Variants in PIEZO2 observed in about 807,000 individuals in gnomAD.
PIEZO2 encodes piezo-type mechanosensitive ion channel component 2.
In PIEZO2, 172 loss-of-function variants were observed where a neutral mutation model predicts 337.3. The observed-to-expected ratio is 0.51, with a 90% CI of 0.45 to 0.58. The LOEUF is 0.58. Among genes scored for constraint, PIEZO2 ranks in the 20% least tolerant of loss-of-function variants. The pLI, the probability that PIEZO2 is intolerant of heterozygous loss-of-function variation, is 0.00. For missense variants in PIEZO2, 3,028 were observed against 3,391.3 expected, an observed-to-expected ratio of 0.89 and a Z score of 2.66; for synonymous variants, 1,251 against 1,228.5, an observed-to-expected ratio of 1.02 and a Z score of -0.38.
At chr18:10,875,402 A>AGAATGAGAAAAAATGGGGATCAAG (rs1299478886) in intron 4 of PIEZO2, among the ~76,000 whole-genome samples, 4 of 152,192 alleles carry the variant, frequency 2.6e-5, no homozygotes, top group African/African-American at 9.7e-5. Context: ...TAATACCATT[A>AGAATGAGAAAAAATGGGGATCAAG]GAATGAGAAA....
chr18:10,752,969 T>C (rs574657647), intron 27 of PIEZO2, 90 bp from the exon 28 acceptor site: 54 of 1,412,270 alleles, frequency 3.8e-5, no homozygotes, highest in Non-Finnish European at 4.8e-5. Context: ...AAGAAATTCA[T>C]GCTCTCTGCT....
At chr18:10,779,669 T>C (rs2038910436) in intron 18 of PIEZO2, among the ~76,000 whole-genome samples, 1 of 152,170 alleles carries the variant, frequency 6.6e-6, no homozygotes, top group Non-Finnish European at 1.5e-5. Context: ...GAAAGTGATG[T>C]TTTTAAAACC....
intron 2 of PIEZO2, among the ~76,000 whole-genome samples, chr18:11,010,184 A>G (rs1253873847): frequency 6.6e-6 from 1 of 152,202 alleles, no homozygotes. Context: ...AACACCTACT[A>G]GGTACTGGTA....
intron 1 of PIEZO2, among the ~76,000 whole-genome samples, chr18:11,122,883 T>C (rs1332129842): frequency 1.3e-5 from 2 of 151,476 alleles, no homozygotes; most frequent in African/African-American, 2.4e-5. Context: ...ATTAAGGTTA[T>C]ATGTATAATA....
Position 10,691,212 on chromosome 18 carries a change from C to G in PIEZO2, c.7349+13G>C. The G allele has an allele frequency of 6.2e-7, 1 of 1,610,356 alleles. No individual in the cohort carries two copies. Among genetic ancestry groups the G allele is most frequent in the Non-Finnish European group, 8.5e-7 (1 of 1,178,426 alleles). ...TCCCCCATAAGTGACTGTGACGTTG[C>G]AGAGCGTCCTACCCTTGGAATAAGA... is the stretch of plus-strand genomic sequence containing the variant. On this transcript the variant is annotated intron_variant, in intron 48 of 55. Coordinates refer to ENST00000674853, the MANE Select transcript of PIEZO2 (RefSeq NM_001378183.1).
chr18:10,977,723 T>TA (rs2034498989), intron 3 of PIEZO2, among the ~76,000 whole-genome samples: 1 of 152,214 alleles, frequency 6.6e-6, no homozygotes, highest in Non-Finnish European at 1.5e-5. Context: ...AACAATTGAA[T>TA]ATTATACAGC....
rs565220296 is a variant in PIEZO2, at chr18:11,129,408, G to C, written c.64+19117C>G. Among the ~76,000 whole-genome samples, 151 of 152,192 alleles carry C rather than the reference G, an allele frequency of 9.9e-4. 2 individuals carry two copies. Among genetic ancestry groups the C allele is most frequent in the Non-Finnish European group, 1.6e-3 (109 of 68,006 alleles). On this transcript the variant is annotated intron_variant, in intron 1 of 55. Transcript: ENST00000674853. The surrounding 1 kb of genome is among the most constrained non-coding windows in gnomAD (Gnocchi z 4.6). ...AATAGTCTCATTCGTGTAGAGCTCT[G>C]GCATTGGCTAATTAATCATGGTGTT...
At chr18:10,817,705 C>T (rs908768201) in intron 7 of PIEZO2, among the ~76,000 whole-genome samples, 7 of 151,930 alleles carry the variant, frequency 4.6e-5, no homozygotes, top group Admixed American at 1.3e-4. Flanking sequence ...GGGTGGTTCA[C>T]GAGGTCAGGA....
In PIEZO2 at chr18:11,003,440, A is replaced by G. The variant is rs2035615412; in HGVS notation, c.161-23780T>C. On this transcript the variant is annotated intron_variant, in intron 2 of 55. Transcript: ENST00000674853. This position sits in a 1 kb window ranked among gnomAD's most constrained non-coding sequence, Gnocchi z 4.6. ...TTCCTAAGGCATATTTCTGGTCACA[A>G]AAACATCACCAAACTTCTAAATAAG... Among the ~76,000 whole-genome samples, 2 of 152,266 alleles carry G rather than the reference A, an allele frequency of 1.3e-5. No homozygotes were observed. The highest frequency in any genetic ancestry group is 4.1e-4 in the South Asian group (2 of 4,834).
chr18:10,786,303 T>G (rs767927146), intron 16 of PIEZO2, among the ~76,000 whole-genome samples: 4 of 152,216 alleles, frequency 2.6e-5, no homozygotes, highest in Non-Finnish European at 4.4e-5. Flanking sequence ...GGCTTAGATT[T>G]TGTCTGTCTT....
chr18:10,966,450 G>C (rs2034003858), intron 3 of PIEZO2, among the ~76,000 whole-genome samples: 1 of 152,086 alleles, frequency 6.6e-6, no homozygotes. Context: ...AGAGTGCATT[G>C]TTTCATAACA....
intron 2 of PIEZO2, among the ~76,000 whole-genome samples, chr18:10,989,491 C>CAA (rs71169964): frequency 1.6e-4 from 23 of 143,178 alleles, no homozygotes; most frequent in South Asian, 6.5e-4. Flanking sequence ...AGCTCTAAGA[C>CAA]AAAAAAAAAA....
rs149958852 is a variant in PIEZO2 at position 10,764,501 on chromosome 18, C to A, written c.2947-1403G>T. Among the ~76,000 whole-genome samples the A allele has an allele frequency of 9.8e-3, 1,480 of 151,184 alleles. 29 individuals are homozygous for A. The highest frequency in any genetic ancestry group is 0.034 in the African/African-American group (1,396 of 41,130). ...CTAAAAATACAAAAAATTAGCCGGGCGTGGTGGCAGGCTCCTGTAATCCCA... is the reference window on the plus strand; with the variant it reads ...CTAAAAATACAAAAAATTAGCCGGGAGTGGTGGCAGGCTCCTGTAATCCCA... On this transcript the variant is annotated intron_variant, in intron 21 of 55. Transcript: ENST00000674853.
intron 7 of PIEZO2, among the ~76,000 whole-genome samples, chr18:10,816,805 G>C (rs557143252): frequency 6.6e-6 from 1 of 152,280 alleles, no homozygotes; most frequent in East Asian, 1.9e-4. Flanking sequence ...TGTGGTAACT[G>C]CTGGAATAAC....
intron 34 of PIEZO2, among the ~76,000 whole-genome samples, chr18:10,736,057 T>C (rs1163476784): frequency 1.3e-5 from 2 of 152,206 alleles, no homozygotes; most frequent in African/African-American, 4.8e-5. Context: ...CAGCAGGTTC[T>C]AAAACAGAAA....
intron 8 of PIEZO2, among the ~76,000 whole-genome samples, chr18:10,804,440 G>C (rs1032787045): frequency 1.3e-5 from 2 of 152,232 alleles, no homozygotes; most frequent in Non-Finnish European, 1.5e-5. Flanking sequence ...GCGTATCTAT[G>C]CACATGAGAC....
intron 18 of PIEZO2, 109 bp downstream of exon 18, chr18:10,780,216 A>G: frequency 1.5e-6 from 1 of 675,154 alleles, no homozygotes. Context: ...CCTGAAGACC[A>G]GTGTCCACTA....
intron 1 of PIEZO2, among the ~76,000 whole-genome samples, chr18:11,117,989 T>A (rs1051987048): frequency 5.3e-5 from 8 of 152,250 alleles, no homozygotes; most frequent in African/African-American, 1.9e-4. Context: ...TTTCTGTTTA[T>A]GTACTAGTTG....
chr18:11,113,015 C>T (rs370589205), intron 1 of PIEZO2, among the ~76,000 whole-genome samples: 4 of 152,200 alleles, frequency 2.6e-5, no homozygotes, highest in African/African-American at 9.7e-5. Flanking sequence ...CAGTGCCCAG[C>T]ACGATGTAGG....
Sources: allele counts gnomAD v4.1 joint callset (sites outside exome capture counted in the v4.1 genomes callset), GRCh38; gene constraint gnomAD v4.1.1; non-coding constraint Gnocchi (gnomAD v3.1); transcripts MANE v1.5; gene names NCBI Gene and HGNC (gene_info 2026-07-23, HGNC 2026-07-21).